The following ST6GALNAC3 variants were observed in gnomAD, a reference collection of about 807,000 sequenced individuals.
The protein encoded by ST6GALNAC3 is ST6 N-acetylgalactosaminide alpha-2,6-sialyltransferase 3.
In ST6GALNAC3, 25 loss-of-function variants were observed where a neutral mutation model predicts 32.7. The observed-to-expected ratio is 0.76, with a 90% CI of 0.56 to 1.07. The LOEUF (loss-of-function observed/expected upper bound fraction) is 1.07, where lower values mean the gene tolerates loss of function less well. Among genes scored for constraint, ST6GALNAC3 ranks in the 50% least tolerant of loss-of-function variants. The pLI is 0.00. For missense variants in ST6GALNAC3, 355 were observed against 382.4 expected (o/e 0.93, Z 0.60); for synonymous variants, 129 against 133.1 (o/e 0.97, Z 0.21).
At chr1:76,422,686 C>G (rs969854036) in intron 3 of ST6GALNAC3, among the ~76,000 whole-genome samples, 6 of 151,976 alleles carry the variant, frequency 3.9e-5, no homozygotes, top group Admixed American at 6.6e-5. Context: ...GAATTCCAGG[C>G]AATGTTGCTG....
At chr1:76,235,893 C>T (rs1417772853) in intron 1 of ST6GALNAC3, among the ~76,000 whole-genome samples, 2 of 151,316 alleles carry the variant, frequency 1.3e-5, no homozygotes, top group Non-Finnish European at 2.9e-5. Context: ...GCCTGTGTCC[C>T]GTTTCCCCTT....
At chr1:76,327,582 A>C (rs183954935) in intron 2 of ST6GALNAC3, among the ~76,000 whole-genome samples, 4 of 152,214 alleles carry the variant, frequency 2.6e-5, no homozygotes, top group Admixed American at 2.6e-4. Context: ...TCATCTACAA[A>C]ATATCTTCAC....
intron 3 of ST6GALNAC3, among the ~76,000 whole-genome samples, chr1:76,478,874 T>G (rs1659529965): frequency 6.6e-6 from 1 of 150,430 alleles, no homozygotes; most frequent in Non-Finnish European, 1.5e-5. Flanking sequence ...GCCATTCTCC[T>G]GCCTCAGCCT....
intron 3 of ST6GALNAC3, among the ~76,000 whole-genome samples, chr1:76,580,557 C>T (rs981281575): frequency 6.6e-6 from 1 of 152,142 alleles, no homozygotes; most frequent in Non-Finnish European, 1.5e-5. Context: ...GAACCAGCTT[C>T]ACCTGGTGTT....
chr1:76,599,853 TC>T (rs1232433803), intron 3 of ST6GALNAC3, among the ~76,000 whole-genome samples: 4 of 151,916 alleles, frequency 2.6e-5, no homozygotes, highest in African/African-American at 9.7e-5. Context: ...TTATGATTAT[TC>T]ACACACAATT....
intron 2 of ST6GALNAC3, among the ~76,000 whole-genome samples, chr1:76,396,011 T>G (rs1652926989): frequency 1.3e-5 from 2 of 152,196 alleles, no homozygotes; most frequent in African/African-American, 4.8e-5. Context: ...CTCAAGGTGA[T>G]GGATACCTTA....
At chr1:76,613,846 T>A (rs115180283) in intron 3 of ST6GALNAC3, among the ~76,000 whole-genome samples, 3,981 of 152,318 alleles carry the variant, frequency 0.026, 178 homozygotes, top group African/African-American at 0.09. Flanking sequence ...CCTCTTTTCT[T>A]TGTGGATTGG....
chr1:76,577,913 C>T (rs1026678112), intron 3 of ST6GALNAC3, among the ~76,000 whole-genome samples: 11 of 152,034 alleles, frequency 7.2e-5, no homozygotes, highest in Non-Finnish European at 1.5e-4. Context: ...ATTAAGTAGA[C>T]GGTAAACATT....
intron 2 of ST6GALNAC3, among the ~76,000 whole-genome samples, chr1:76,327,925 A>T (rs977638201): frequency 1.3e-5 from 2 of 152,216 alleles, no homozygotes; most frequent in African/African-American, 4.8e-5. Context: ...GGGTACTATG[A>T]TGCAGTCAAG....
At chr1:76,143,161 G>A (rs1409005531) in intron 1 of ST6GALNAC3, among the ~76,000 whole-genome samples, 1 of 152,150 alleles carries the variant, frequency 6.6e-6, no homozygotes, top group African/African-American at 2.4e-5. Flanking sequence ...TAATGAAATG[G>A]ATCTTGGCAG....
chr1:76,140,927 G>A (rs981354272), intron 1 of ST6GALNAC3, among the ~76,000 whole-genome samples: 6 of 150,336 alleles, frequency 4.0e-5, no homozygotes, highest in African/African-American at 7.4e-5. Flanking sequence ...ATGATCCACC[G>A]TGCCCAGGCT....
At chr1:76,448,971 T>G (rs984838380) in intron 3 of ST6GALNAC3, among the ~76,000 whole-genome samples, 1 of 152,040 alleles carries the variant, frequency 6.6e-6, no homozygotes, top group Non-Finnish European at 1.5e-5. Context: ...GTGTAGCTTG[T>G]GGCACCATGC....
chr1:76,459,563 CAAA>C (rs34570106), intron 3 of ST6GALNAC3, among the ~76,000 whole-genome samples: 8 of 125,990 alleles, frequency 6.3e-5, no homozygotes, highest in Non-Finnish European at 1.0e-4. Context: ...GACTCCATCT[CAAA>C]AAAAAAAAAA....
intron 3 of ST6GALNAC3, among the ~76,000 whole-genome samples, chr1:76,621,186 A>C (rs1261758655): frequency 2.0e-5 from 3 of 152,084 alleles, no homozygotes; most frequent in Non-Finnish European, 4.4e-5. Context: ...TCCGGCAGAA[A>C]AACTATTTGT....
intron 2 of ST6GALNAC3, among the ~76,000 whole-genome samples, chr1:76,410,999 T>C (rs1033546424): frequency 1.3e-5 from 2 of 152,002 alleles, no homozygotes; most frequent in African/African-American, 4.8e-5. Context: ...ACAATAAAAA[T>C]TCAAGATCGA....
At chr1:76,496,093 G>A (rs1660830687) in intron 3 of ST6GALNAC3, among the ~76,000 whole-genome samples, 1 of 152,152 alleles carries the variant, frequency 6.6e-6, no homozygotes. Context: ...TCTGGATTAA[G>A]GATGAGGCCT....
chr1:76,501,628 A>G (rs1040705360), intron 3 of ST6GALNAC3, among the ~76,000 whole-genome samples: 3 of 152,188 alleles, frequency 2.0e-5, no homozygotes, highest in African/African-American at 7.2e-5. Flanking sequence ...AAATTAAACG[A>G]AAGATAAAGA....
intron 2 of ST6GALNAC3, among the ~76,000 whole-genome samples, chr1:76,342,171 C>A (rs937769543): frequency 1.3e-5 from 2 of 152,092 alleles, no homozygotes; most frequent in African/African-American, 2.4e-5. Context: ...AATAAACATA[C>A]GTGTGTATGT....
chr1:76,515,253 C>T (rs1296162121), intron 3 of ST6GALNAC3, among the ~76,000 whole-genome samples: 1 of 152,018 alleles, frequency 6.6e-6, no homozygotes, highest in Non-Finnish European at 1.5e-5. Flanking sequence ...TACAATCCTT[C>T]GTATTTCTGT....
Sources: allele counts gnomAD v4.1 joint callset (sites outside exome capture counted in the v4.1 genomes callset), GRCh38; gene constraint gnomAD v4.1.1; transcripts MANE v1.5; gene names NCBI Gene and HGNC (gene_info 2026-07-23, HGNC 2026-07-21).